SVIL: variants seen among roughly 807,000 people sequenced by gnomAD.
The protein encoded by SVIL is supervillin.
Under a neutral mutation model 240.4 loss-of-function variants are expected in SVIL, and 101 were observed. That is an observed-to-expected ratio of 0.42 (90% CI 0.36 to 0.50). The LOEUF is 0.50. Ranked by LOEUF, SVIL falls within the 20% of genes least tolerant of loss-of-function variation. The pLI, the probability that SVIL is intolerant of heterozygous loss-of-function variation, is 0.01. For missense variants in SVIL, 2,512 were observed against 2,818.7 expected, an observed-to-expected ratio of 0.89 and a Z score of 2.46; for synonymous variants, 999 against 1,100.0, an observed-to-expected ratio of 0.91 and a Z score of 1.82.
Position 29,533,065 on chromosome 10 carries a change from T to TCCTTCC in SVIL, c.1296_1301dup (p.Gly436_Glu437dup). 1 of 1,614,042 alleles carries TCCTTCC rather than the reference T, an allele frequency of 6.2e-7. No individual in the cohort carries two copies. Among genetic ancestry groups the TCCTTCC allele is most frequent in the Non-Finnish European group, 8.5e-7 (1 of 1,179,950 alleles). ...CATCTTCTTCTTTTTCTTCTCCTTCTCCTTCCCCTTCTTCTTCTTCTGCTT... is the reference window on the plus strand; with the variant it reads ...CATCTTCTTCTTTTTCTTCTCCTTCTCCTTCCCCTTCCCCTTCTTCTTCTTCTGCTT... On this transcript the variant is annotated inframe_insertion, in exon 8 of 38. Coordinates refer to ENST00000355867, the MANE Select transcript of SVIL (RefSeq NM_021738.3).
At chr10:29,524,430 A>AAC (rs373322854) in intron 14 of SVIL, 42 bp downstream of exon 14, 48 of 1,604,244 alleles carry the variant, frequency 3.0e-5, no homozygotes, top group Middle Eastern at 3.9e-4. Context: ...ATAATTTAAG[A>AAC]ACACACACAC....
At chr10:29,493,925 A>G (rs112409693) in intron 20 of SVIL, among the ~76,000 whole-genome samples, 7,774 of 152,270 alleles carry the variant, frequency 0.051, 320 homozygotes, top group Non-Finnish European at 0.073. Flanking sequence ...TTATAATCCC[A>G]GCACTTTGGG....
chr10:29,653,942 T>C (rs556587879), intron 3 of SVIL, among the ~76,000 whole-genome samples: 1 of 152,324 alleles, frequency 6.6e-6, no homozygotes, highest in East Asian at 1.9e-4. Flanking sequence ...TACCACACTA[T>C]CTTAATTACT....
At chr10:29,498,106 A>G (rs1245961557) in intron 18 of SVIL, among the ~76,000 whole-genome samples, 2 of 150,142 alleles carry the variant, frequency 1.3e-5, no homozygotes. Flanking sequence ...AAAAAAAAAA[A>G]AAAAAAAAAA....
intron 13 of SVIL, 115 bp from the exon 14 acceptor site, chr10:29,524,830 C>G (rs978872676): frequency 1.3e-6 from 2 of 1,517,690 alleles, no homozygotes; most frequent in Admixed American, 3.9e-5. Flanking sequence ...CTTCTTTTTC[C>G]CTAAGCACGT....
At chr10:29,576,107 C>T in intron 1 of SVIL, 3 of 985,262 alleles carry the variant, frequency 3.0e-6, no homozygotes, top group Non-Finnish European at 3.6e-6. Flanking sequence ...ACTTTTCTCT[C>T]CCGAATACGT....
intron 3 of SVIL, among the ~76,000 whole-genome samples, chr10:29,643,043 T>G (rs1347923775): frequency 6.6e-6 from 1 of 152,174 alleles, no homozygotes; most frequent in Non-Finnish European, 1.5e-5. Context: ...GGTGGATTAA[T>G]CAATTTGCAA....
intron 16 of SVIL, among the ~76,000 whole-genome samples, chr10:29,519,618 A>G (rs2132518644): frequency 6.6e-6 from 1 of 152,378 alleles, no homozygotes; most frequent in South Asian, 2.1e-4. Context: ...AGCAAAGTAC[A>G]AATAAAAGTA....
At position 29,532,980 on chromosome 10, in the gene SVIL, C is replaced by T; in HGVS notation, c.1387G>A (p.Gly463Arg). Residue 463 changes from glycine to arginine, a missense_variant, in exon 8 of 38, where the codon GGG (glycine) becomes AGG (arginine). By Grantham distance (125) the Gly-to-Arg change is moderately radical. Transcript: ENST00000355867. ...KKTLLALEGD[G>R]LVRSPEDPSR... is the part of the protein sequence containing the mutation. The stretch of plus-strand genomic sequence containing the variant: ...GGATCTTCTGGGCTTCTCACTAGCC[C>T]ATCACCCTCCAAAGCCAGTAGGGTT... The T allele has an allele frequency of 1.2e-6, 2 of 1,614,126 alleles. No homozygotes were observed. The highest frequency in any genetic ancestry group is 8.5e-7 in the Non-Finnish European group (1 of 1,180,030).
At chr10:29,699,955 T>G (rs1244868208) in intron 1 of SVIL, among the ~76,000 whole-genome samples, 2 of 152,230 alleles carry the variant, frequency 1.3e-5, no homozygotes, top group Non-Finnish European at 2.9e-5. Flanking sequence ...TTTGAAAAGC[T>G]TACTCTACAC....
chr10:29,516,783 C>T (rs377456005), intron 16 of SVIL, among the ~76,000 whole-genome samples: 34 of 152,288 alleles, frequency 2.2e-4, no homozygotes, highest in African/African-American at 7.7e-4. Flanking sequence ...CCCGGGGAAA[C>T]GGTGCCTCCT....
At chr10:29,465,145 C>T (rs1276697359) in intron 34 of SVIL, among the ~76,000 whole-genome samples, 1 of 152,174 alleles carries the variant, frequency 6.6e-6, no homozygotes, top group African/African-American at 2.4e-5. Flanking sequence ...TGGGAAAACA[C>T]GTGCTTTATC....
In SVIL at chr10:29,550,722, C is replaced by T. The variant is rs755183803; in HGVS notation, c.702G>A (p.Gly234=). 9.9e-6 allele frequency: 16 copies of T among 1,613,998 alleles called. No homozygotes were observed. Among genetic ancestry groups the T allele is most frequent in the Admixed American group, 5.0e-5 (3 of 60,006 alleles). The change falls in exon 6 of 38, where the codon GGG becomes GGA. Residue 234 remains glycine, a synonymous_variant. Coordinates refer to ENST00000355867, the MANE Select transcript of SVIL (RefSeq NM_021738.3). ...GCACTTCAGTGAAGGAGGAGTCTCGCCCAGAGAAAGAGAAGGTCGAGGAAC... is the reference window on the plus strand; with the variant it reads ...GCACTTCAGTGAAGGAGGAGTCTCGTCCAGAGAAAGAGAAGGTCGAGGAAC... ...AESSSTFSFS[G]RDSSFTEVPR...
chr10:29,480,717 C>A lies in SVIL; in HGVS notation c.5197G>T (p.Gly1733Cys). The change falls in exon 29 of 38, where the codon GGC becomes TGC. Residue 1733 changes from glycine (G) to cysteine (C), a missense_variant. Physicochemically the swap from Gly to Cys is radical, Grantham distance 159. Around this residue, in one of 3 missense-constraint regions of SVIL, gnomAD observed 797 missense variants for 925.3 expected, o/e 0.86. Coordinates refer to ENST00000355867, the MANE Select transcript of SVIL (RefSeq NM_021738.3). The part of the protein sequence containing the change: ...AGTILDGVNV[G>C]RGYGLVEGHD... ...CCTTCCACCAGGCCATAGCCACGGCCGACGTTCACTCCGTCCAGGATGGTG... is the reference window on the plus strand; with the variant it reads ...CCTTCCACCAGGCCATAGCCACGGCAGACGTTCACTCCGTCCAGGATGGTG... 6.2e-7 allele frequency: 1 copy of A among 1,614,126 alleles called. No homozygotes were observed. Among genetic ancestry groups the A allele is most frequent in the South Asian group, 1.1e-5 (1 of 91,090 alleles).
At chr10:29,536,200 A>G (rs1951731428) in intron 6 of SVIL, 131 bp from the exon 7 acceptor site, 6 of 813,462 alleles carry the variant, frequency 7.4e-6, no homozygotes, top group Non-Finnish European at 9.9e-6. Flanking sequence ...TGGGAGTTAA[A>G]CATGGAGTAC....
intron 2 of SVIL, among the ~76,000 whole-genome samples, chr10:29,669,344 C>T (rs1018550076): frequency 2.6e-5 from 4 of 152,082 alleles, no homozygotes; most frequent in South Asian, 4.1e-4. Context: ...GTTTGGCTGG[C>T]GTGCAGTGAG....
rs1554859018 is a variant in SVIL, at chr10:29,568,819, A to ATGGATG, written c.-143+435_-143+436insCATCCA. Among the ~76,000 whole-genome samples the ATGGATG allele has an allele frequency of 2.0e-4, 30 of 147,162 alleles. No individual in the cohort carries two copies. The East Asian group carries it at 4.3e-3, about 21-fold the overall frequency. Reference sequence around the variant, plus strand: ...GATGGATGGATGGATGGATGGATGGATGTGTGTGTGTGTGTGTTTGTGTAT... The same window carrying ATGGATG: ...GATGGATGGATGGATGGATGGATGGATGGATGTGTGTGTGTGTGTGTGTTTGTGTAT... On this transcript the variant is annotated intron_variant, in intron 2 of 37. Coordinates refer to ENST00000355867, the MANE Select transcript of SVIL (RefSeq NM_021738.3).
intron 1 of SVIL, among the ~76,000 whole-genome samples, chr10:29,692,427 T>G (rs1021693190): frequency 1.3e-5 from 2 of 151,984 alleles, no homozygotes; most frequent in Non-Finnish European, 2.9e-5. Context: ...ACCTCTTTCC[T>G]CTTCTGGAAA....
At chr10:29,463,223 C>T (rs1304536931) in intron 35 of SVIL, among the ~76,000 whole-genome samples, 1 of 152,212 alleles carries the variant, frequency 6.6e-6, no homozygotes, top group Non-Finnish European at 1.5e-5. Flanking sequence ...ACAATACAGC[C>T]TTTATCCTTG....
Sources: gnomAD v4.1 joint callset for allele counts (sites outside exome capture counted in the v4.1 genomes callset) on GRCh38, gnomAD v4.1.1 for gene constraint, gnomAD v4.1.1 regional missense constraint, MANE v1.5 for transcripts, NCBI Gene and HGNC (gene_info 2026-07-23, HGNC 2026-07-21) for gene names.